The following POU3F2 variants were observed in gnomAD, a reference collection of about 807,000 sequenced individuals.
POU3F2 encodes the protein POU domain, class 3, transcription factor 2.
In POU3F2, 11 loss-of-function variants were observed where a neutral mutation model predicts 33.1. That is an observed-to-expected ratio of 0.33 (90% CI 0.21 to 0.55). The LOEUF is 0.55. Among genes scored for constraint, POU3F2 ranks in the 20% least tolerant of loss-of-function variants. The pLI is 0.91. For missense variants in POU3F2, 456 were observed against 620.2 expected, an observed-to-expected ratio of 0.74 and a Z score of 2.81; for synonymous variants, 332 against 289.6, an observed-to-expected ratio of 1.15 and a Z score of -1.49.
Position 98,836,035 on chromosome 6 carries a change from G to T in POU3F2, c.1162G>T (p.Ala388Ser). 1.2e-6 allele frequency: 2 copies of T among 1,609,908 alleles called. No homozygotes were observed. Among genetic ancestry groups the T allele is most frequent in the Non-Finnish European group, 8.5e-7 (1 of 1,178,846 alleles). ...KPSAQEITSLADSLQLEKEVV... is the reference protein window; with the variant it reads ...KPSAQEITSLSDSLQLEKEVV... ...CTCGGCCCAGGAGATCACCTCCCTC[G>T]CGGACAGCTTACAGCTGGAGAAGGA... is the stretch of plus-strand genomic sequence containing the variant. Residue 388 changes from alanine (A) to serine (S), a missense_variant, in exon 1 of 1, where the codon GCG becomes TCG. Ala to Ser is a moderately conservative substitution (Grantham distance 99). Around this residue, in one of 6 missense-constraint regions of POU3F2, gnomAD observed 48 missense variants for 96.0 expected, o/e 0.50. Transcript: ENST00000328345.
At position 98,834,599 on chromosome 6, in the gene POU3F2, G is replaced by A; in HGVS notation, c.-275G>A. On this transcript the variant is annotated 5_prime_UTR_variant, in exon 1 of 1. Transcript: ENST00000328345. The stretch of plus-strand genomic sequence containing the variant: ...AGAGAGCTGGAGAGAGCAGGGAGAG[G>A]GGGGAGCGCCGAGCTAGTCAGAGAG... The A allele has an allele frequency of 6.2e-6, 3 of 485,274 alleles. No individual in the cohort carries two copies. The highest frequency in any genetic ancestry group is 4.5e-5 in the South Asian group (2 of 44,412). The allele number at this position is 485,274 out of a possible 1,614,324, so 30.1% of individuals were successfully genotyped here. A position where few individuals can be genotyped will look rare whatever the true frequency, so the allele number is the denominator to read the frequency against.
In POU3F2 at chr6:98,835,007, A is replaced by G; in HGVS notation, c.134A>G (p.Tyr45Cys). 1 of 1,589,192 alleles carries G rather than the reference A, an allele frequency of 6.3e-7. No individual in the cohort carries two copies. Among genetic ancestry groups the G allele is most frequent in the Non-Finnish European group, 8.5e-7 (1 of 1,174,286 alleles). ...REAQSLVQGD[Y>C]GALQSNGHPL... ...GCGCAGAGCCTGGTGCAGGGCGACT[A>G]CGGCGCTCTGCAGAGCAACGGACAC... is the stretch of plus-strand genomic sequence containing the variant. Residue 45 changes from tyrosine (Y) to cysteine (C), a missense_variant, in exon 1 of 1, where the codon TAC becomes TGC. Tyr to Cys is a radical substitution (Grantham distance 194, BLOSUM62 -2). Coordinates refer to ENST00000328345, the MANE Select transcript of POU3F2 (RefSeq NM_005604.4). This position sits in a 1 kb window ranked among gnomAD's most constrained non-coding sequence, Gnocchi z 9.7.
At position 98,835,104 on chromosome 6, in the gene POU3F2, C is replaced by G. The variant is rs1279865131; in HGVS notation, c.231C>G (p.Gly77=). The change falls in exon 1 of 1, where the codon GGC becomes GGG. Residue 77 remains glycine (G), a synonymous_variant. Coordinates refer to ENST00000328345, the MANE Select transcript of POU3F2 (RefSeq NM_005604.4). This position sits in a 1 kb window ranked among gnomAD's most constrained non-coding sequence, Gnocchi z 9.7. ...GCGGCGGCGGGGGCGGTGGCGGCGG[C>G]GGGGGGGGCGGGGGCGGCGGCGGGG... is the stretch of plus-strand genomic sequence containing the variant. ...HGGGGGGGGG[G]GGGGGGGGGG... 4 of 1,028,622 alleles carry G rather than the reference C, an allele frequency of 3.9e-6. No homozygotes were observed. The highest frequency in any genetic ancestry group is 3.6e-6 in the Non-Finnish European group (3 of 842,372). The allele number at this position is 1,028,622 out of a possible 1,614,324, so 63.7% of individuals were successfully genotyped here.
rs187647254 is a variant in POU3F2 at position 98,836,905 on chromosome 6, C to T, written c.*700C>T. ...CCATTTCTAATGTTCTTGTGTTGCC[C>T]CTTCTTCGTACTGTTTGTGAACTTT... On this transcript the variant is annotated 3_prime_UTR_variant, in exon 1 of 1. Transcript: ENST00000328345. The T allele has an allele frequency of 8.8e-4, 147 of 167,174 alleles. 1 individual carries two copies. The allele number at this position is 167,174 out of a possible 1,614,324, so 10.4% of individuals were successfully genotyped here.
At position 98,835,800 on chromosome 6, in the gene POU3F2, C is replaced by T; in HGVS notation, c.927C>T (p.Cys309=). ...YGNVFSQTTI[C]RFEALQLSFK... ...ACGTGTTCTCGCAGACCACCATCTG[C>T]AGGTTTGAGGCCCTGCAGCTGAGCT... is the stretch of plus-strand genomic sequence containing the variant. The change falls in exon 1 of 1, where the codon TGC becomes TGT. Residue 309 remains cysteine, a synonymous_variant. Coordinates refer to ENST00000328345, the MANE Select transcript of POU3F2 (RefSeq NM_005604.4). The surrounding 1 kb of genome is among the most constrained non-coding windows in gnomAD (Gnocchi z 9.7). 1 of 1,614,196 alleles carries T rather than the reference C, an allele frequency of 6.2e-7. No homozygotes were observed. Among genetic ancestry groups the T allele is most frequent in the Non-Finnish European group, 8.5e-7 (1 of 1,180,044 alleles).
chr6:98,835,680 C>A lies in POU3F2; in HGVS notation c.807C>A (p.Asp269Glu), dbSNP rs750080952. ...HSDEDTPTSDDLEQFAKQFKQ... is the reference protein window; with the variant it reads ...HSDEDTPTSDELEQFAKQFKQ... Reference sequence around the variant, plus strand: ...ACGAGGACACGCCGACCTCGGACGACCTGGAGCAGTTCGCCAAGCAGTTCA... The same window carrying A: ...ACGAGGACACGCCGACCTCGGACGAACTGGAGCAGTTCGCCAAGCAGTTCA... Residue 269 changes from aspartate to glutamate, a missense_variant, in exon 1 of 1, where the codon GAC becomes GAA. By Grantham distance (45) the Asp-to-Glu change is conservative. Transcript: ENST00000328345. This position sits in a 1 kb window ranked among gnomAD's most constrained non-coding sequence, Gnocchi z 9.7. The A allele has an allele frequency of 1.3e-5, 21 of 1,613,566 alleles. No homozygotes were observed. The Admixed American group carries it at 2.7e-4, about 20-fold the overall frequency.
rs778009082 is a variant in POU3F2 at position 98,834,989 on chromosome 6, G to C, written c.116G>C (p.Ser39Thr). 4.4e-6 allele frequency: 7 copies of C among 1,596,868 alleles called. No individual in the cohort carries two copies. Among genetic ancestry groups the C allele is most frequent in the Middle Eastern group, 3.4e-4 (2 of 5,970 alleles). Residue 39 changes from serine (S) to threonine (T), a missense_variant, in exon 1 of 1, where the codon AGC becomes ACC. Transcript: ENST00000328345. ...GCGGGGGGCTACCGCGAAGCGCAGA[G>C]CCTGGTGCAGGGCGACTACGGCGCT... ...QGAGGYREAQSLVQGDYGALQ... is the reference protein window; with the variant it reads ...QGAGGYREAQTLVQGDYGALQ...
Position 98,834,709 on chromosome 6 carries a change from T to G in POU3F2, c.-165T>G. The stretch of plus-strand genomic sequence containing the variant: ...GCGGCGGCGGCAGCAGCAGCAGTAA[T>G]AGCAGGAGCAGCAACAGAAGGCGTC... On this transcript the variant is annotated 5_prime_UTR_variant, in exon 1 of 1. Coordinates refer to ENST00000328345, the MANE Select transcript of POU3F2 (RefSeq NM_005604.4). The G allele has an allele frequency of 1.4e-6, 1 of 706,274 alleles. No individual in the cohort carries two copies. Among genetic ancestry groups the G allele is most frequent in the Non-Finnish European group, 2.3e-6 (1 of 440,092 alleles). 43.8% of individuals were successfully genotyped at this position (706,274 alleles called of 1,614,324 possible).
In POU3F2 at chr6:98,834,825, C is replaced by T; in HGVS notation, c.-49C>T. The T allele has an allele frequency of 6.4e-7, 1 of 1,571,098 alleles. No homozygotes were observed. Among genetic ancestry groups the T allele is most frequent in the Non-Finnish European group, 8.6e-7 (1 of 1,163,538 alleles). On this transcript the variant is annotated 5_prime_UTR_variant, in exon 1 of 1. Transcript: ENST00000328345. Reference sequence around the variant, plus strand: ...GAGCCCGAGGCGAAAAAGTAACTGTCAAATGCGCGGCTCCTTTAACCGGAG... The same window carrying T: ...GAGCCCGAGGCGAAAAAGTAACTGTTAAATGCGCGGCTCCTTTAACCGGAG...
rs1435679172 is a variant in POU3F2 at position 98,835,063 on chromosome 6, G to A, written c.190G>A (p.Ala64Thr). Residue 64 changes from alanine to threonine, a missense_variant, in exon 1 of 1, where the codon GCG (alanine) becomes ACG (threonine). Physicochemically the swap from Ala to Thr is moderately conservative, Grantham distance 58 (BLOSUM62 0). Coordinates refer to ENST00000328345, the MANE Select transcript of POU3F2 (RefSeq NM_005604.4). The surrounding 1 kb of genome is among the most constrained non-coding windows in gnomAD (Gnocchi z 9.7). ...PLSHAHQWIT[A>T]LSHGGGGGGG... ...CAGCCACGCTCACCAGTGGATCACC[G>A]CGCTGTCCCACGGCGGCGGCGGCGG... 7.8e-7 allele frequency: 1 copy of A among 1,284,522 alleles called. No individual in the cohort carries two copies. Among genetic ancestry groups the A allele is most frequent in the Non-Finnish European group, 9.8e-7 (1 of 1,017,500 alleles). 79.6% of individuals were successfully genotyped at this position (1,284,522 alleles called of 1,614,324 possible). A position where few individuals can be genotyped will look rare whatever the true frequency, so the allele number is the denominator to read the frequency against.
At position 98,836,260 on chromosome 6, in the gene POU3F2, G is replaced by A. The variant is rs1010352063; in HGVS notation, c.*55G>A. 4.0e-6 allele frequency: 6 copies of A among 1,506,874 alleles called. No homozygotes were observed. In the East Asian group the frequency reaches 1.5e-4, roughly 37 times the overall value. 93.3% of individuals were successfully genotyped at this position (1,506,874 alleles called of 1,614,324 possible). ...GGCTCCCCCTCCCCTTCGGTCCTTG[G>A]CCCTTTCCCGGCCCTCTTGTTCCCT... is the stretch of plus-strand genomic sequence containing the variant. On this transcript the variant is annotated 3_prime_UTR_variant, in exon 1 of 1. Transcript: ENST00000328345.
Position 98,835,110 on chromosome 6 carries a change from G to C in POU3F2, c.237G>C (p.Gly79=), listed in dbSNP as rs1401569322. Residue 79 remains glycine, a synonymous_variant, in exon 1 of 1, where the codon GGG becomes GGC. Coordinates refer to ENST00000328345, the MANE Select transcript of POU3F2 (RefSeq NM_005604.4). This position sits in a 1 kb window ranked among gnomAD's most constrained non-coding sequence, Gnocchi z 9.7. ...GCGGGGGCGGTGGCGGCGGCGGGGG[G>C]GGCGGGGGCGGCGGCGGGGGCGGCG... is the stretch of plus-strand genomic sequence containing the variant. ...GGGGGGGGGG[G]GGGGGGGGGD... The C allele has an allele frequency of 3.3e-6, 4 of 1,209,462 alleles. No homozygotes were observed. Among genetic ancestry groups the C allele is most frequent in the South Asian group, 4.1e-5 (1 of 24,240 alleles). 74.9% of individuals were successfully genotyped at this position (1,209,462 alleles called of 1,614,324 possible). A position where few individuals can be genotyped will look rare whatever the true frequency, so the allele number is the denominator to read the frequency against.
rs749143343 is a variant in POU3F2, at chr6:98,836,181, C to A, written c.1308C>A (p.His436Gln). 1.3e-6 allele frequency: 2 copies of A among 1,583,804 alleles called. No individual in the cohort carries two copies. The highest frequency in any genetic ancestry group is 1.7e-6 in the Non-Finnish European group (2 of 1,172,382). Residue 436 changes from histidine to glutamine, a missense_variant, in exon 1 of 1, where the codon CAC (histidine) becomes CAA (glutamine). Physicochemically the swap from His to Gln is conservative, Grantham distance 24. Coordinates refer to ENST00000328345, the MANE Select transcript of POU3F2 (RefSeq NM_005604.4). The part of the protein sequence containing the change: ...YGGSRDTPPH[H>Q]GVQTPVQ ...GGAGTAGGGACACTCCACCACACCA[C>A]GGGGTGCAGACGCCCGTCCAGTGAA...
Position 98,836,986 on chromosome 6 carries a change from A to G in POU3F2, c.*781A>G, listed in dbSNP as rs1438598198. Reference sequence around the variant, plus strand: ...TAACATCTATTTGTTCCTCTTACCAAAGCAAAAGGATTGGCTTCATACAAA... The same window carrying G: ...TAACATCTATTTGTTCCTCTTACCAGAGCAAAAGGATTGGCTTCATACAAA... On this transcript the variant is annotated 3_prime_UTR_variant, in exon 1 of 1. Transcript: ENST00000328345. 2.4e-5 allele frequency: 4 copies of G among 167,086 alleles called. No homozygotes were observed. The highest frequency in any genetic ancestry group is 9.7e-5 in the African/African-American group (4 of 41,450). 10.4% of individuals were successfully genotyped at this position (167,086 alleles called of 1,614,324 possible). A position where few individuals can be genotyped will look rare whatever the true frequency, so the allele number is the denominator to read the frequency against.
rs1390553144 is a variant in POU3F2 at position 98,834,673 on chromosome 6, G to A, written c.-201G>A. On this transcript the variant is annotated 5_prime_UTR_variant, in exon 1 of 1. Coordinates refer to ENST00000328345, the MANE Select transcript of POU3F2 (RefSeq NM_005604.4). ...GAGGAGGAGAAAGAGAGCGAGGGCG[G>A]GCGGGAGGCGGCGGCGGCGGCAGCA... 6.1e-5 allele frequency: 37 copies of A among 610,492 alleles called. No individual in the cohort carries two copies. The South Asian group carries it at 6.8e-4, about 11-fold the overall frequency. 37.8% of individuals were successfully genotyped at this position (610,492 alleles called of 1,614,324 possible).
Position 98,835,443 on chromosome 6 carries a change from C to A in POU3F2, c.570C>A (p.Tyr190Ter). The change falls in exon 1 of 1, where the codon TAC becomes TAA. Residue 190 changes from tyrosine (Y) to a stop codon, truncating the protein, a stop_gained. Transcript: ENST00000328345. LOFTEE classifies it high-confidence loss of function. The surrounding 1 kb of genome is among the most constrained non-coding windows in gnomAD (Gnocchi z 9.7). ...GAGCGTCCAACGGCGGCTTGCTCTA[C>A]TCGCAGCCCAGCTTCACGGTGAACG... ...SMGASNGGLL[Y>*]SQPSFTVNGM... The A allele has an allele frequency of 6.3e-7, 1 of 1,586,402 alleles. No individual in the cohort carries two copies. Among genetic ancestry groups the A allele is most frequent in the South Asian group, 1.1e-5 (1 of 88,008 alleles).
rs1474889450 is a variant in POU3F2 at position 98,835,497 on chromosome 6, C to T, written c.624C>T (p.Ala208=). 1 of 1,563,154 alleles carries T rather than the reference C, an allele frequency of 6.4e-7. No homozygotes were observed. The highest frequency in any genetic ancestry group is 8.6e-7 in the Non-Finnish European group (1 of 1,163,004). Residue 208 remains alanine, a synonymous_variant, in exon 1 of 1, where the codon GCC becomes GCT. Coordinates refer to ENST00000328345, the MANE Select transcript of POU3F2 (RefSeq NM_005604.4). The surrounding 1 kb of genome is among the most constrained non-coding windows in gnomAD (Gnocchi z 9.7). ...TGCTGGGCGCCGGCGGGCAGCCGGC[C>T]GGTCTGCACCACCACGGCCTGCGGG... ...NGMLGAGGQP[A]GLHHHGLRDA...
rs775075666 is a variant in POU3F2, at chr6:98,834,852, G to A, written c.-22G>A. ...AATGCGCGGCTCCTTTAACCGGAGCGCTCAGTCCGGCTCCGAGAGTCATGG... is the reference window on the plus strand; with the variant it reads ...AATGCGCGGCTCCTTTAACCGGAGCACTCAGTCCGGCTCCGAGAGTCATGG... On this transcript the variant is annotated 5_prime_UTR_variant, in exon 1 of 1. Transcript: ENST00000328345. 2.5e-6 allele frequency: 4 copies of A among 1,592,088 alleles called. No homozygotes were observed. The highest frequency in any genetic ancestry group is 2.2e-5 in the South Asian group (2 of 90,882).
rs1357968242 is a variant in POU3F2 at position 98,836,688 on chromosome 6, CAT to C, written c.*484_*485del. 9.5e-5 allele frequency: 16 copies of C among 167,760 alleles called. No homozygotes were observed. The highest frequency in any genetic ancestry group is 3.4e-4 in the African/African-American group (14 of 41,490). 10.4% of individuals were successfully genotyped at this position (167,760 alleles called of 1,614,324 possible). ...CCATCAGGAAAGAGGAAAAAATACA[CAT>C]GTTCTTTCATATAGGCAAAATTTAA... is the stretch of plus-strand genomic sequence containing the variant. On this transcript the variant is annotated 3_prime_UTR_variant, in exon 1 of 1. Coordinates refer to ENST00000328345, the MANE Select transcript of POU3F2 (RefSeq NM_005604.4).
Sources: gnomAD v4.1 joint callset for allele counts on GRCh38, gnomAD v4.1.1 for gene constraint, gnomAD v4.1.1 regional missense constraint, Gnocchi (gnomAD v3.1) non-coding constraint, MANE v1.5 for transcripts, NCBI Gene and HGNC (gene_info 2026-07-23, HGNC 2026-07-21) for gene names.